PIK3C3: variants seen among roughly 807,000 people sequenced by gnomAD.
The protein encoded by PIK3C3 is PI3-kinase type 3.
A neutral mutation model predicts 126.1 loss-of-function variants in PIK3C3; 95 were observed. The observed-to-expected ratio is 0.75, with a 90% CI of 0.64 to 0.89. PIK3C3 has a LOEUF of 0.89. PIK3C3 is among the 40% of genes least tolerant of loss of function. The pLI is 0.00. For synonymous variants in PIK3C3, 374 were observed against 360.0 expected (o/e 1.04, Z -0.44); for missense variants, 829 against 1,063.2 (o/e 0.78, Z 3.06).
intron 3 of PIK3C3, among the ~76,000 whole-genome samples, chr18:41,966,177 C>CTTTTTTTT (rs10539758): frequency 4.4e-5 from 5 of 112,574 alleles, no homozygotes; most frequent in Non-Finnish European, 6.9e-5. Context: ...TATATTGTTC[C>CTTTTTTTT]TTTTTTTTTT....
chr18:41,986,255 T>C (rs1413804854), intron 4 of PIK3C3, among the ~76,000 whole-genome samples: 2 of 152,158 alleles, frequency 1.3e-5, no homozygotes, highest in Middle Eastern at 3.2e-3. Context: ...TGTAAATAAA[T>C]GTTATTTTTT....
At chr18:42,068,327 G>A (rs1985626060) in intron 24 of PIK3C3, among the ~76,000 whole-genome samples, 1 of 152,102 alleles carries the variant, frequency 6.6e-6, no homozygotes, top group African/African-American at 2.4e-5. Flanking sequence ...CTAGAATATT[G>A]TGTTCTATGC....
chr18:42,072,084 A>G (rs907618269), intron 24 of PIK3C3, among the ~76,000 whole-genome samples: 1 of 152,222 alleles, frequency 6.6e-6, no homozygotes, highest in Non-Finnish European at 1.5e-5. Flanking sequence ...ATATTGTCTA[A>G]GTATTGATAC....
intron 10 of PIK3C3, among the ~76,000 whole-genome samples, chr18:42,005,112 A>G (rs1165048023): frequency 6.6e-6 from 1 of 152,180 alleles, no homozygotes; most frequent in Admixed American, 6.5e-5. Flanking sequence ...ATATACAGTT[A>G]TTTATCAGTT....
chr18:41,985,698 A>C (rs1469886158), intron 4 of PIK3C3, among the ~76,000 whole-genome samples: 1 of 152,166 alleles, frequency 6.6e-6, no homozygotes, highest in African/African-American at 2.4e-5. Context: ...ACTTATTTTC[A>C]TAGTGACTGT....
rs1984959028 is a variant in PIK3C3, at chr18:42,054,211, A to G, written c.2264-3672A>G. Among the ~76,000 whole-genome samples the G allele has an allele frequency of 4.0e-5, 5 of 124,320 alleles. No individual in the cohort carries two copies. The South Asian group carries it at 1.1e-3, about 27-fold the overall frequency. The allele number at this position is 124,320 out of a possible 152,430, so 81.6% of individuals were successfully genotyped here. A position where few individuals can be genotyped will look rare whatever the true frequency, so the allele number is the denominator to read the frequency against. On this transcript the variant is annotated intron_variant, in intron 21 of 24. Coordinates refer to ENST00000262039, the MANE Select transcript of PIK3C3 (RefSeq NM_002647.4). The stretch of plus-strand genomic sequence containing the variant: ...ATATATAAAGGGGAATTTATTAAGT[A>G]TTAACTCATACATTCACAAGGTCCC...
At chr18:42,008,540 A>G (rs993006379) in intron 10 of PIK3C3, among the ~76,000 whole-genome samples, 1 of 152,254 alleles carries the variant, frequency 6.6e-6, no homozygotes, top group African/African-American at 2.4e-5. Context: ...TCACTAAGTG[A>G]TTTTGATATG....
At chr18:41,967,170 T>G (rs186845849) in intron 3 of PIK3C3, among the ~76,000 whole-genome samples, 294 of 152,274 alleles carry the variant, frequency 1.9e-3, no homozygotes, top group Admixed American at 3.7e-3. Flanking sequence ...TTGTGAAAGA[T>G]GATGTTCAGG....
intron 1 of PIK3C3, 123 bp downstream of exon 1, chr18:41,955,482 T>A: frequency 1.3e-6 from 1 of 794,864 alleles, no homozygotes; most frequent in Non-Finnish European, 2.1e-6. Context: ...TGGGGGCGGC[T>A]GTGAGGGCTG....
chr18:42,030,981 C>G (rs1983798475), intron 15 of PIK3C3, among the ~76,000 whole-genome samples: 2 of 152,234 alleles, frequency 1.3e-5, no homozygotes, highest in Admixed American at 1.3e-4. Context: ...CTCACATAGC[C>G]TATATTTTAA....
At chr18:41,993,737 G>A (rs774782650) in intron 7 of PIK3C3, among the ~76,000 whole-genome samples, 1 of 152,102 alleles carries the variant, frequency 6.6e-6, no homozygotes, top group Non-Finnish European at 1.5e-5. Flanking sequence ...GGATGAATGC[G>A]TGAAAGTTTT....
chr18:42,041,588 TAAA>T (rs57481011), intron 19 of PIK3C3, among the ~76,000 whole-genome samples: 1 of 133,582 alleles, frequency 7.5e-6, no homozygotes, highest in East Asian at 2.1e-4. Context: ...CTTCCCTTTG[TAAA>T]AAAAAAAAAA....
At chr18:42,011,791 C>T (rs1982838102) in intron 10 of PIK3C3, among the ~76,000 whole-genome samples, 1 of 152,168 alleles carries the variant, frequency 6.6e-6, no homozygotes, top group African/African-American at 2.4e-5. Flanking sequence ...GAGAGACATG[C>T]ATCTTTTCCT....
intron 13 of PIK3C3, among the ~76,000 whole-genome samples, chr18:42,023,363 G>A (rs1395210155): frequency 6.6e-6 from 1 of 152,218 alleles, no homozygotes; most frequent in Non-Finnish European, 1.5e-5. Context: ...TAGGAAATCT[G>A]TTCGATGAAG....
chr18:42,058,824 C>T (rs567643003), intron 22 of PIK3C3, among the ~76,000 whole-genome samples: 19 of 152,306 alleles, frequency 1.2e-4, no homozygotes, highest in African/African-American at 4.6e-4. Context: ...GATCATTTGA[C>T]TCATGCTATT....
At chr18:42,076,967 T>A (rs1986056425) in intron 24 of PIK3C3, among the ~76,000 whole-genome samples, 1 of 152,178 alleles carries the variant, frequency 6.6e-6, no homozygotes, top group Non-Finnish European at 1.5e-5. Flanking sequence ...TTTATTTTTA[T>A]TTTTTTCCTA....
At chr18:42,025,200 A>G (rs996929872) in intron 13 of PIK3C3, 4 of 152,168 alleles carry the variant, frequency 2.6e-5, no homozygotes, top group African/African-American at 9.7e-5. Flanking sequence ...GAGCCCCTAC[A>G]TTGTGGTCAG....
chr18:42,069,494 A>G (rs1198607453), intron 24 of PIK3C3, among the ~76,000 whole-genome samples: 2 of 152,234 alleles, frequency 1.3e-5, no homozygotes, highest in African/African-American at 4.8e-5. Context: ...TCATCACTAT[A>G]CTACATTAGT....
intron 24 of PIK3C3, among the ~76,000 whole-genome samples, chr18:42,072,536 G>C (rs930854687): frequency 6.6e-6 from 1 of 152,004 alleles, no homozygotes; most frequent in Non-Finnish European, 1.5e-5. Flanking sequence ...CCTTCTCTAT[G>C]CCAAAATGAT....
Sources: allele counts gnomAD v4.1 joint callset (sites outside exome capture counted in the v4.1 genomes callset), GRCh38; gene constraint gnomAD v4.1.1; transcripts MANE v1.5; gene names NCBI Gene and HGNC (gene_info 2026-07-23, HGNC 2026-07-21).